Variants in ZNF599 observed in about 807,000 individuals in gnomAD.
The protein encoded by ZNF599 is zinc finger protein 599.
In ZNF599, 10 loss-of-function variants were observed where a neutral mutation model predicts 11.7. The ratio of observed to expected loss-of-function variants is 0.86; its 90% confidence interval spans 0.53 to 1.45. ZNF599 has a LOEUF of 1.45. Ranked by LOEUF, ZNF599 falls within the 40% of genes most tolerant of loss-of-function variation. The pLI is 0.00. For missense variants in ZNF599, 688 were observed against 713.6 expected (o/e 0.96, Z 0.41); for synonymous variants, 232 against 253.2 (o/e 0.92, Z 0.79).
the ZNF599 span, among the ~76,000 whole-genome samples, chr19:34,790,523 C>A: frequency 6.6e-6 from 1 of 152,062 alleles, no homozygotes; most frequent in Non-Finnish European, 1.5e-5. Flanking sequence ...CACAGAAAGA[C>A]AAACACTGTG....
chr19:34,785,564 G>A, the ZNF599 span, among the ~76,000 whole-genome samples: 1 of 152,158 alleles, frequency 6.6e-6, no homozygotes, highest in Non-Finnish European at 1.5e-5. Flanking sequence ...GATGGAAAGG[G>A]GAAAAGTCTC....
chr19:34,758,990 T>C lies in ZNF599; in HGVS notation c.*44A>G. ...AGGAAAGGTATGTCACCACTATGAG[T>C]TCACTAAAGACAAACACACTTGTAA... On this transcript the variant is annotated 3_prime_UTR_variant, in exon 4 of 4. Coordinates refer to ENST00000329285, the MANE Select transcript of ZNF599 (RefSeq NM_001007248.3). The C allele has an allele frequency of 2.6e-6, 4 of 1,545,102 alleles. No individual in the cohort carries two copies. Among genetic ancestry groups the C allele is most frequent in the Non-Finnish European group, 3.5e-6 (4 of 1,144,044 alleles).
chr19:34,792,531 C>G, the ZNF599 span, among the ~76,000 whole-genome samples: 2 of 152,064 alleles, frequency 1.3e-5, no homozygotes, highest in Non-Finnish European at 1.5e-5. Flanking sequence ...CTGTATAAAC[C>G]AAGGAACAAC....
At chr19:34,769,602 G>A (rs1489511152) in intron 1 of ZNF599, 47 bp from the exon 2 acceptor site, 2 of 1,592,140 alleles carry the variant, frequency 1.3e-6, no homozygotes, top group East Asian at 2.2e-5. Context: ...GCTATTAGGT[G>A]AAATTACAGC....
chr19:34,807,283 G>A, the ZNF599 span, among the ~76,000 whole-genome samples: 1 of 152,194 alleles, frequency 6.6e-6, no homozygotes, highest in Admixed American at 6.5e-5. Flanking sequence ...GAAAGTAGGA[G>A]TCCGGCGGGT....
At chr19:34,804,149 G>T in the ZNF599 span, among the ~76,000 whole-genome samples, 2 of 152,130 alleles carry the variant, frequency 1.3e-5, no homozygotes, top group African/African-American at 2.4e-5. Flanking sequence ...ATACCTCCCC[G>T]CAAACTGCTG....
the ZNF599 span, among the ~76,000 whole-genome samples, chr19:34,807,488 A>G: frequency 3.3e-5 from 5 of 152,172 alleles, no homozygotes; most frequent in African/African-American, 1.2e-4. Flanking sequence ...CAGTAGGGAC[A>G]AGGCTTCCTG....
the ZNF599 span, among the ~76,000 whole-genome samples, chr19:34,805,095 T>C: frequency 6.6e-5 from 10 of 152,346 alleles, 1 homozygote; most frequent in Non-Finnish European, 1.5e-4. Context: ...TTACCTACAA[T>C]TGTCTTGGTA....
chr19:34,794,818 G>A, the ZNF599 span, among the ~76,000 whole-genome samples: 1 of 151,994 alleles, frequency 6.6e-6, no homozygotes, highest in Non-Finnish European at 1.5e-5. Flanking sequence ...TGAGCCACTG[G>A]CCTCAGCCTC....
the ZNF599 span, among the ~76,000 whole-genome samples, chr19:34,799,966 T>C: frequency 2.2e-4 from 34 of 152,258 alleles, no homozygotes; most frequent in African/African-American, 8.2e-4. Context: ...GTTTTTAAGA[T>C]TTTAGCCACT....
chr19:34,788,392 T>C, the ZNF599 span, among the ~76,000 whole-genome samples: 1 of 152,194 alleles, frequency 6.6e-6, no homozygotes, highest in Admixed American at 6.5e-5. Context: ...TTGTCACCAC[T>C]CACTCCCAAA....
chr19:34,777,437 TGA>T (rs1172369144), upstream of ZNF599, among the ~76,000 whole-genome samples: 6 of 95,128 alleles, frequency 6.3e-5, no homozygotes, highest in South Asian at 2.6e-4. Flanking sequence ...ATATAATATA[TGA>T]TATATATTAA....
Position 34,772,876 on chromosome 19 carries a change from G to A in ZNF599, c.-35C>T. ...GGGCTGGGTGAGGCCGTGAGAGTCG[G>A]CGAGGAAGCCGGTCCTGCGGGCTCG... On this transcript the variant is annotated 5_prime_UTR_variant, in exon 1 of 4. Coordinates refer to ENST00000329285, the MANE Select transcript of ZNF599 (RefSeq NM_001007248.3). 7.0e-7 allele frequency: 1 copy of A among 1,435,678 alleles called. No homozygotes were observed. Among genetic ancestry groups the A allele is most frequent in the Non-Finnish European group, 9.1e-7 (1 of 1,099,706 alleles). The allele number at this position is 1,435,678 out of a possible 1,614,324, so 88.9% of individuals were successfully genotyped here.
the ZNF599 span, among the ~76,000 whole-genome samples, chr19:34,797,979 C>T: frequency 1.9e-3 from 295 of 152,236 alleles, 2 homozygotes; most frequent in African/African-American, 6.7e-3. Flanking sequence ...CCACAAGGGT[C>T]GCATTCCATT....
chr19:34,783,984 TGCAACCAGGA>T, the ZNF599 span, among the ~76,000 whole-genome samples: 2 of 152,174 alleles, frequency 1.3e-5, no homozygotes, highest in East Asian at 3.9e-4. Flanking sequence ...GCTTGGCAAA[TGCAACCAGGA>T]GCTCATCCTG....
At chr19:34,807,519 C>T in the ZNF599 span, among the ~76,000 whole-genome samples, 1 of 152,240 alleles carries the variant, frequency 6.6e-6, no homozygotes, top group Non-Finnish European at 1.5e-5. Context: ...CTCCTTTTCC[C>T]TCAGACCTGA....
the ZNF599 span, among the ~76,000 whole-genome samples, chr19:34,789,218 C>T: frequency 4.3e-3 from 651 of 152,202 alleles, 2 homozygotes; most frequent in African/African-American, 0.015. Context: ...CCTCTAGGCT[C>T]ATCAATATGT....
At chr19:34,764,913 GA>G (rs1342149367) in intron 3 of ZNF599, 1 of 151,940 alleles carries the variant, frequency 6.6e-6, no homozygotes, top group Non-Finnish European at 1.5e-5. Flanking sequence ...AAAAATAAGG[GA>G]AAAAATAAAT....
chr19:34,759,197 A>G lies in ZNF599; in HGVS notation c.1604T>C (p.Phe535Ser). ...GGCTTTCTCACATTCTTTGCATTCAAAAGGTTTTTCTCCAGTGTGGATCCT... is the reference window on the plus strand; with the variant it reads ...GGCTTTCTCACATTCTTTGCATTCAGAAGGTTTTTCTCCAGTGTGGATCCT... ...HNRIHTGEKP[F>S]ECKECEKAFC... Residue 535 changes from phenylalanine (F) to serine (S), a missense_variant, in exon 4 of 4, where the codon TTT (phenylalanine) becomes TCT (serine). Phe to Ser is a radical substitution (Grantham distance 155). Coordinates refer to ENST00000329285, the MANE Select transcript of ZNF599 (RefSeq NM_001007248.3). The G allele has an allele frequency of 6.2e-7, 1 of 1,614,150 alleles. No homozygotes were observed. Among genetic ancestry groups the G allele is most frequent in the African/African-American group, 1.3e-5 (1 of 75,040 alleles).
Sources: allele counts gnomAD v4.1 joint callset (sites outside exome capture counted in the v4.1 genomes callset), GRCh38; gene constraint gnomAD v4.1.1; transcripts MANE v1.5; gene names NCBI Gene and HGNC (gene_info 2026-07-23, HGNC 2026-07-21).